The following MAST4 variants were observed in gnomAD, a reference collection of about 807,000 sequenced individuals.
The protein encoded by MAST4 is microtubule-associated serine/threonine-protein kinase 4.
MAST4 carries 89 observed loss-of-function variants against 162.7 expected under a neutral mutation model. The observed-to-expected ratio is 0.55, with a 90% CI of 0.46 to 0.65. The LOEUF (loss-of-function observed/expected upper bound fraction) is 0.65, where lower values mean the gene tolerates loss of function less well. Ranked by LOEUF, MAST4 falls within the 30% of genes least tolerant of loss-of-function variation. The probability of loss-of-function intolerance (pLI) is 0.00; values close to 1 mark genes in which losing one functional copy is unlikely to be tolerated. For synonymous variants in MAST4, 1,479 were observed against 1,361.1 expected (o/e 1.09, Z -1.91); for missense variants, 3,153 against 3,374.0 (o/e 0.93, Z 1.62).
chr5:67,156,414 AGG>A (rs1262195586), intron 26 of MAST4, among the ~76,000 whole-genome samples: 1 of 152,208 alleles, frequency 6.6e-6, no homozygotes, highest in Non-Finnish European at 1.5e-5. Context: ...TGCTGTTCAC[AGG>A]GGGAAACAGT....
At chr5:66,909,633 A>G (rs897015368) in intron 4 of MAST4, among the ~76,000 whole-genome samples, 9 of 152,316 alleles carry the variant, frequency 5.9e-5, no homozygotes, top group African/African-American at 1.9e-4. Context: ...CCTAACTCCC[A>G]GGGACTGGCA....
chr5:66,759,871 C>T lies in MAST4; in HGVS notation c.517+9C>T. On this transcript the variant is annotated intron_variant, in intron 2 of 28. Coordinates refer to ENST00000403625, the MANE Select transcript of MAST4 (RefSeq NM_001164664.2). ...GGGAGGAGCCCTGACTGGTGAGTCG[C>T]AGCGGCTTGGATGAGAGAAGGAATT... 1.9e-6 allele frequency: 3 copies of T among 1,613,596 alleles called. No individual in the cohort carries two copies. Among genetic ancestry groups the T allele is most frequent in the African/African-American group, 1.3e-5 (1 of 75,032 alleles).
intron 5 of MAST4, among the ~76,000 whole-genome samples, chr5:67,072,631 A>G (rs1761120601): frequency 6.6e-6 from 1 of 152,232 alleles, no homozygotes; most frequent in Admixed American, 6.5e-5. Flanking sequence ...AAGAGAATTC[A>G]GTGAATAAGT....
intron 2 of MAST4, among the ~76,000 whole-genome samples, chr5:66,769,852 A>G (rs533396298): frequency 2.0e-5 from 3 of 152,306 alleles, no homozygotes; most frequent in African/African-American, 4.8e-5. Context: ...GATACTCCCA[A>G]TTTGGGTTCT....
chr5:66,793,565 G>A (rs1369384345), intron 3 of MAST4, among the ~76,000 whole-genome samples: 1 of 152,176 alleles, frequency 6.6e-6, no homozygotes, highest in African/African-American at 2.4e-5. Context: ...AGGAAAATAA[G>A]GGTGTAAGCC....
chr5:66,955,623 C>T (rs1421941767), intron 4 of MAST4, among the ~76,000 whole-genome samples: 2 of 152,106 alleles, frequency 1.3e-5, no homozygotes, highest in African/African-American at 4.8e-5. Flanking sequence ...TATACTCTTA[C>T]TCTCCCTCCC....
At chr5:66,667,522 C>T (rs983350917) in intron 1 of MAST4, among the ~76,000 whole-genome samples, 2 of 152,256 alleles carry the variant, frequency 1.3e-5, no homozygotes, top group South Asian at 4.1e-4. Flanking sequence ...AGAACTAGGT[C>T]CCCAAATGCT....
intron 4 of MAST4, among the ~76,000 whole-genome samples, chr5:67,025,842 A>G (rs1380315821): frequency 6.6e-6 from 1 of 152,204 alleles, no homozygotes; most frequent in Non-Finnish European, 1.5e-5. Context: ...AGGCCCGGAC[A>G]TGTGGAAATG....
chr5:66,918,229 T>C (rs77689907), intron 4 of MAST4, among the ~76,000 whole-genome samples: 1 of 152,232 alleles, frequency 6.6e-6, no homozygotes, highest in East Asian at 1.9e-4. Context: ...TGAATGTAAG[T>C]TTTTAGTTTG....
Position 67,110,209 on chromosome 5 carries a change from C to T in MAST4, c.1458+10C>T, listed in dbSNP as rs1288189752. The stretch of plus-strand genomic sequence containing the variant: ...GTTATTAGAGTGCCTGGTAAGTTGC[C>T]CCTTGATGTGACTACATTATTTATT... On this transcript the variant is annotated intron_variant, in intron 11 of 28. Transcript: ENST00000403625. 6.3e-7 allele frequency: 1 copy of T among 1,585,066 alleles called. No individual in the cohort carries two copies. Among genetic ancestry groups the T allele is most frequent in the Non-Finnish European group, 8.7e-7 (1 of 1,153,844 alleles).
intron 3 of MAST4, among the ~76,000 whole-genome samples, chr5:66,822,781 C>CT (rs1757057529): frequency 6.6e-6 from 1 of 152,176 alleles, no homozygotes; most frequent in African/African-American, 2.4e-5. Flanking sequence ...GCTAAAGGAT[C>CT]TGACACCTTT....
At chr5:66,680,052 A>G (rs1017186314) in intron 1 of MAST4, among the ~76,000 whole-genome samples, 4 of 152,294 alleles carry the variant, frequency 2.6e-5, no homozygotes, top group African/African-American at 9.6e-5. Context: ...TGAAGAAAAA[A>G]GGAGAGCCTT....
chr5:66,999,497 T>C (rs2150310191), intron 4 of MAST4, among the ~76,000 whole-genome samples: 1 of 152,344 alleles, frequency 6.6e-6, no homozygotes, highest in South Asian at 2.1e-4. Flanking sequence ...TGCTAATCTT[T>C]TCCGTGTCTC....
intron 1 of MAST4, among the ~76,000 whole-genome samples, chr5:66,756,091 T>C (rs1753520766): frequency 6.6e-6 from 1 of 152,234 alleles, no homozygotes; most frequent in Non-Finnish European, 1.5e-5. Flanking sequence ...CTAACATGTT[T>C]CCTGTGATAA....
rs148045036 is a variant in MAST4, at chr5:67,000,354, A to G, written c.675-54050A>G. Among the ~76,000 whole-genome samples the G allele has an allele frequency of 1.8e-4, 28 of 152,324 alleles. No individual in the cohort carries two copies. The East Asian group carries it at 4.1e-3, about 22-fold the overall frequency. On this transcript the variant is annotated intron_variant, in intron 4 of 28. Transcript: ENST00000403625. ...ACAGCTTTGCAGACTTCACATCCAC[A>G]CTAGAAAACTAAGTCTTTTCATAGA...
chr5:67,129,216 G>A, intron 14 of MAST4, among the ~76,000 whole-genome samples: 1 of 152,182 alleles, frequency 6.6e-6, no homozygotes, highest in East Asian at 1.9e-4. Context: ...TGCATTTCCT[G>A]TTGAAACGGC....
chr5:66,718,266 T>C (rs922920026), intron 1 of MAST4, among the ~76,000 whole-genome samples: 3 of 151,820 alleles, frequency 2.0e-5, no homozygotes, highest in African/African-American at 7.3e-5. Context: ...TGTTTTTTTG[T>C]TTTTTTGTTT....
At chr5:66,995,057 T>C (rs1044635170) in intron 4 of MAST4, among the ~76,000 whole-genome samples, 2 of 152,152 alleles carry the variant, frequency 1.3e-5, no homozygotes, top group African/African-American at 4.8e-5. Flanking sequence ...GCTTTGAAAA[T>C]ACCCGTTTGC....
intron 3 of MAST4, among the ~76,000 whole-genome samples, chr5:66,807,439 T>C (rs923828434): frequency 2.0e-5 from 3 of 150,046 alleles, no homozygotes; most frequent in African/African-American, 7.4e-5. Context: ...GAGCTTGCAG[T>C]GAGCTGAGAT....
Sources: gnomAD v4.1 joint callset for allele counts (sites outside exome capture counted in the v4.1 genomes callset) on GRCh38, gnomAD v4.1.1 for gene constraint, MANE v1.5 for transcripts, NCBI Gene and HGNC (gene_info 2026-07-23, HGNC 2026-07-21) for gene names.